MYCT1: variants seen among roughly 807,000 people sequenced by gnomAD.
The protein encoded by MYCT1 is MYC target 1.
In MYCT1, 12 loss-of-function variants were observed where a neutral mutation model predicts 15.0. The observed-to-expected ratio is 0.80, with a 90% CI of 0.51 to 1.29. The LOEUF (loss-of-function observed/expected upper bound fraction) is 1.29. Ranked by LOEUF, MYCT1 falls within the 50% of genes most tolerant of loss-of-function variation. MYCT1 has a pLI of 0.00. For missense variants in MYCT1, 287 were observed against 279.1 expected, an observed-to-expected ratio of 1.03 and a Z score of -0.20; for synonymous variants, 104 against 102.7, an observed-to-expected ratio of 1.01 and a Z score of -0.07.
chr6:152,707,576 T>C (rs2099722508), intron 1 of MYCT1, among the ~76,000 whole-genome samples: 1 of 151,964 alleles, frequency 6.6e-6, no homozygotes, highest in African/African-American at 2.4e-5. Flanking sequence ...ATTGCCCAGA[T>C]CAATATCAAG....
chr6:152,728,794 T>C (rs2099726084), downstream of MYCT1, among the ~76,000 whole-genome samples: 1 of 152,066 alleles, frequency 6.6e-6, no homozygotes, highest in South Asian at 2.1e-4. Flanking sequence ...TATTCCCAAC[T>C]ACTTGGGAGG....
At chr6:152,714,982 A>AGATCCTAGGGGGTT (rs2099723399) in intron 1 of MYCT1, among the ~76,000 whole-genome samples, 1 of 152,012 alleles carries the variant, frequency 6.6e-6, no homozygotes, top group South Asian at 2.1e-4. Flanking sequence ...CTTAGGGAGT[A>AGATCCTAGGGGGTT]GATCCTAGGG....
At chr6:152,744,259 G>A in the MYCT1 span, among the ~76,000 whole-genome samples, 1,532 of 152,290 alleles carry the variant, frequency 0.01, 26 homozygotes, top group Admixed American at 0.052. Flanking sequence ...GGACAGACCG[G>A]CTCGGGGCTA....
At chr6:152,740,065 C>T in the MYCT1 span, among the ~76,000 whole-genome samples, 2 of 151,842 alleles carry the variant, frequency 1.3e-5, no homozygotes, top group Non-Finnish European at 2.9e-5. Flanking sequence ...TTATTATTTG[C>T]GATGGAGTTT....
At chr6:152,718,536 G>A (rs983110229) in intron 1 of MYCT1, among the ~76,000 whole-genome samples, 16 of 152,060 alleles carry the variant, frequency 1.1e-4, no homozygotes, top group African/African-American at 3.6e-4. Flanking sequence ...ATGAGCCACT[G>A]CACCTGGCCT....
At chr6:152,726,959 C>T (rs950145448), downstream of MYCT1, among the ~76,000 whole-genome samples, 5 of 152,092 alleles carry the variant, frequency 3.3e-5, no homozygotes, top group African/African-American at 7.2e-5. Flanking sequence ...GGAGGCCGGG[C>T]GCGGTGGCTC....
chr6:152,722,001 A>C lies in MYCT1; in HGVS notation c.456A>C (p.Gln152His), dbSNP rs750859852. Residue 152 changes from glutamine to histidine, a missense_variant, in exon 2 of 2, where the codon CAA becomes CAC. Gln to His is a conservative substitution (Grantham distance 24). Coordinates refer to ENST00000367245, the MANE Select transcript of MYCT1 (RefSeq NM_025107.3). ...LTFQRQASLE[Q>H]ANSFPRKSSF... Reference sequence around the variant, plus strand: ...TCCAGCGACAAGCTTCCCTGGAACAAGCAAATTCCTTTCCAAGAAAATCAA... The same window carrying C: ...TCCAGCGACAAGCTTCCCTGGAACACGCAAATTCCTTTCCAAGAAAATCAA... The C allele has an allele frequency of 7.4e-6, 12 of 1,614,176 alleles. No homozygotes were observed. In the Admixed American group the frequency reaches 2.0e-4, roughly 27 times the overall value.
chr6:152,728,022 G>A (rs536824596), downstream of MYCT1, among the ~76,000 whole-genome samples: 2 of 152,198 alleles, frequency 1.3e-5, no homozygotes, highest in Admixed American at 1.3e-4. Flanking sequence ...AAATTAGCCA[G>A]GCGTGGTGGT....
chr6:152,743,723 A>G, the MYCT1 span, among the ~76,000 whole-genome samples: 1 of 152,192 alleles, frequency 6.6e-6, no homozygotes, highest in Non-Finnish European at 1.5e-5. Flanking sequence ...ATTGGAAGTC[A>G]CTTGCCTTTT....
At chr6:152,743,143 C>T in the MYCT1 span, among the ~76,000 whole-genome samples, 1 of 152,174 alleles carries the variant, frequency 6.6e-6, no homozygotes, top group Non-Finnish European at 1.5e-5. Flanking sequence ...GCAACCTCTG[C>T]CTCCTAGGTT....
At position 152,721,874 on chromosome 6, in the gene MYCT1, G is replaced by A; in HGVS notation, c.329G>A (p.Arg110Lys). 1 of 1,614,030 alleles carries A rather than the reference G, an allele frequency of 6.2e-7. No individual in the cohort carries two copies. Among genetic ancestry groups the A allele is most frequent in the Admixed American group, 1.7e-5 (1 of 60,002 alleles). The change falls in exon 2 of 2, where the codon AGG becomes AAG. Residue 110 changes from arginine (R) to lysine (K), a missense_variant. Arg to Lys is a conservative substitution (Grantham distance 26). Coordinates refer to ENST00000367245, the MANE Select transcript of MYCT1 (RefSeq NM_025107.3). The stretch of plus-strand genomic sequence containing the variant: ...CCCATCTCACAGTGGAGTTCAAGCA[G>A]GAGATCTAGGTCTTCTTACACCCAC... ...SAPISQWSSS[R>K]RSRSSYTHGL...
At chr6:152,706,847 A>ATGTGTGTG (rs4034690) in intron 1 of MYCT1, among the ~76,000 whole-genome samples, 274 of 148,304 alleles carry the variant, frequency 1.8e-3, no homozygotes, top group Admixed American at 6.3e-3. Context: ...GAAACCATAT[A>ATGTGTGTG]TGTGTGTGTG....
rs1342953672 is a variant in MYCT1, at chr6:152,724,184, T to G, written c.*1931T>G. 1 of 150,096 alleles carries G rather than the reference T, an allele frequency of 6.7e-6. No individual in the cohort carries two copies. Among genetic ancestry groups the G allele is most frequent in the African/African-American group, 2.4e-5 (1 of 41,014 alleles). 9.3% of individuals were successfully genotyped at this position (150,096 alleles called of 1,614,324 possible). On this transcript the variant is annotated 3_prime_UTR_variant, in exon 2 of 2. Coordinates refer to ENST00000367245, the MANE Select transcript of MYCT1 (RefSeq NM_025107.3). ...TAAGTTGGTTTTCAACAAAGAAATT[T>G]AGCAGCCAAGTAAGGTTTCAAGGGA...
At chr6:152,726,214 T>C (rs1420946307), downstream of MYCT1, among the ~76,000 whole-genome samples, 1 of 152,000 alleles carries the variant, frequency 6.6e-6, no homozygotes, top group Non-Finnish European at 1.5e-5. Context: ...CTGACCAACA[T>C]GGAGAAACCC....
chr6:152,698,383 T>C (rs1180878505), intron 1 of MYCT1, among the ~76,000 whole-genome samples: 3 of 151,956 alleles, frequency 2.0e-5, no homozygotes, highest in Admixed American at 1.3e-4. Context: ...TGTTACAAAA[T>C]ATAATTAGGA....
Position 152,706,168 on chromosome 6 carries a change from C to T in MYCT1, c.196+8070C>T, listed in dbSNP as rs111888748. 3.7e-3 allele frequency: 4,384 copies of T among 1,198,470 alleles called. 104 individuals are homozygous for T. The African/African-American group carries it at 0.058, about 16-fold the overall frequency. The allele number at this position is 1,198,470 out of a possible 1,614,324, so 74.2% of individuals were successfully genotyped here. ...CTTTACCTTTATTAATGAACTGTGA[C>T]AGGAAGCCCAAGGCAGAGTTCCTCA... On this transcript the variant is annotated intron_variant, in intron 1 of 1. Transcript: ENST00000367245.
At chr6:152,730,166 T>C in the MYCT1 span, among the ~76,000 whole-genome samples, 2 of 152,216 alleles carry the variant, frequency 1.3e-5, no homozygotes, top group Non-Finnish European at 2.9e-5. Flanking sequence ...TTAAAATAGA[T>C]TCCATGTTCT....
At chr6:152,720,614 A>G (rs2099724529) in intron 1 of MYCT1, among the ~76,000 whole-genome samples, 1 of 152,202 alleles carries the variant, frequency 6.6e-6, no homozygotes, top group African/African-American at 2.4e-5. Flanking sequence ...AGCTTGAAGA[A>G]TGAGTTTTCC....
chr6:152,730,855 A>C, the MYCT1 span, among the ~76,000 whole-genome samples: 1 of 152,216 alleles, frequency 6.6e-6, no homozygotes, highest in African/African-American at 2.4e-5. Flanking sequence ...GAAGCTGATA[A>C]ATTGAGAAAT....
Sources: allele counts gnomAD v4.1 joint callset (sites outside exome capture counted in the v4.1 genomes callset), GRCh38; gene constraint gnomAD v4.1.1; transcripts MANE v1.5; gene names NCBI Gene and HGNC (gene_info 2026-07-23, HGNC 2026-07-21).